Variants in ZNF536 observed in about 807,000 individuals in gnomAD.
ZNF536 encodes the protein zinc finger protein 536.
ZNF536 carries 13 observed loss-of-function variants against 84.5 expected under a neutral mutation model. That is an observed-to-expected ratio of 0.15 (90% CI 0.10 to 0.24). The LOEUF (loss-of-function observed/expected upper bound fraction) is 0.24, where lower values mean the gene tolerates loss of function less well. Ranked by LOEUF, ZNF536 falls within the 10% of genes least tolerant of loss-of-function variation. The probability of loss-of-function intolerance (pLI) is 1.00; values close to 1 mark genes in which losing one functional copy is unlikely to be tolerated. For synonymous variants in ZNF536, 811 were observed against 742.5 expected, an observed-to-expected ratio of 1.09 and a Z score of -1.50; for missense variants, 1,536 against 1,747.5, an observed-to-expected ratio of 0.88 and a Z score of 2.16.
intron 3 of ZNF536, among the ~76,000 whole-genome samples, chr19:30,537,002 A>G (rs2045110100): frequency 6.6e-6 from 1 of 151,626 alleles, no homozygotes; most frequent in African/African-American, 2.4e-5. Flanking sequence ...TCCCTGTGTC[A>G]CTTCTCTCCA....
chr19:30,658,027 C>T (rs914828828), intron 1 of ZNF536, among the ~76,000 whole-genome samples: 2 of 151,118 alleles, frequency 1.3e-5, no homozygotes, highest in African/African-American at 4.9e-5. Flanking sequence ...TTCCCCCCCC[C>T]CTTTTTTTTC....
At chr19:30,449,114 A>G (rs1014509290) in intron 2 of ZNF536, among the ~76,000 whole-genome samples, 2 of 152,222 alleles carry the variant, frequency 1.3e-5, no homozygotes, top group Admixed American at 6.5e-5. Flanking sequence ...TTTCTAACAG[A>G]AAATGGACAA....
At chr19:30,509,907 A>G (rs1326797707) in intron 2 of ZNF536, among the ~76,000 whole-genome samples, 1 of 152,246 alleles carries the variant, frequency 6.6e-6, no homozygotes, top group Non-Finnish European at 1.5e-5. Context: ...GTGAAATTCC[A>G]TGTTCCTGTG....
intron 3 of ZNF536, 59 bp from the exon 4 acceptor site, chr19:30,547,884 G>A (rs780598052): frequency 3.0e-5 from 45 of 1,505,022 alleles, no homozygotes; most frequent in South Asian, 2.4e-4. Context: ...TTCCAGCCTC[G>A]TTCAGCACAC....
chr19:30,278,167 G>A (rs917140894), intron 1 of ZNF536, among the ~76,000 whole-genome samples: 4 of 152,218 alleles, frequency 2.6e-5, no homozygotes, highest in African/African-American at 9.6e-5. Flanking sequence ...GCCATGCCAC[G>A]TGGGGATCAC....
At chr19:30,603,708 T>C (rs1004298568) in intron 1 of ZNF536, among the ~76,000 whole-genome samples, 2 of 152,182 alleles carry the variant, frequency 1.3e-5, no homozygotes, top group African/African-American at 4.8e-5. Flanking sequence ...TAAAACAATG[T>C]GGTACACAGT....
intron 1 of ZNF536, among the ~76,000 whole-genome samples, chr19:30,379,497 C>T (rs1050786105): frequency 1.3e-5 from 2 of 151,686 alleles, no homozygotes; most frequent in Non-Finnish European, 2.9e-5. Context: ...ATTCCTGTCG[C>T]CATAAGGAGG....
At chr19:30,450,949 A>G (rs1302683730) in intron 2 of ZNF536, among the ~76,000 whole-genome samples, 2 of 152,220 alleles carry the variant, frequency 1.3e-5, no homozygotes, top group African/African-American at 4.8e-5. Context: ...GTGAAAGCCG[A>G]GCGCCATATG....
At chr19:30,280,199 C>G (rs1399095896) in intron 1 of ZNF536, among the ~76,000 whole-genome samples, 1 of 152,122 alleles carries the variant, frequency 6.6e-6, no homozygotes, top group African/African-American at 2.4e-5. Flanking sequence ...TCCATCTGCC[C>G]CTTTTCTTTC....
chr19:30,436,196 A>G lies in ZNF536; in HGVS notation c.-2-7365A>G, dbSNP rs553345272. 9.5e-4 allele frequency among the ~76,000 whole-genome samples: 144 copies of G among 152,296 alleles called. 1 individual carries two copies. Among genetic ancestry groups the G allele is most frequent in the Non-Finnish European group, 1.4e-3 (95 of 68,018 alleles). The stretch of plus-strand genomic sequence containing the variant: ...CTTGGGAATTTGACTACAGTCTGCA[A>G]CTTGACTCTGTTGGTTACACAGTTG... On this transcript the variant is annotated intron_variant, in intron 1 of 4. Transcript: ENST00000355537.
In ZNF536 at chr19:30,402,796, A is replaced by AATATAT. The variant is rs869301101; in HGVS notation, c.-3+30262_-3+30267dup. ...TTTTAAACATTTTTTAAAATTAAAA[A>AATATAT]ATATATATATATATATATATATATA... On this transcript the variant is annotated intron_variant, in intron 1 of 4. Transcript: ENST00000355537. 8.2e-4 allele frequency among the ~76,000 whole-genome samples: 70 copies of AATATAT among 85,594 alleles called. 1 individual carries two copies. The highest frequency in any genetic ancestry group is 4.9e-3 in the South Asian group (11 of 2,234). The allele number at this position is 85,594 out of a possible 152,430, so 56.2% of individuals were successfully genotyped here.
At chr19:30,421,609 C>T (rs2050960973) in intron 1 of ZNF536, among the ~76,000 whole-genome samples, 1 of 152,198 alleles carries the variant, frequency 6.6e-6, no homozygotes, top group Admixed American at 6.5e-5. Flanking sequence ...GTGATCCTCC[C>T]ACCTCAGCCT....
chr19:30,400,625 T>C (rs1218469037), intron 1 of ZNF536, among the ~76,000 whole-genome samples: 10 of 152,150 alleles, frequency 6.6e-5, no homozygotes, highest in Admixed American at 3.9e-4. Flanking sequence ...GCAGTGGTGC[T>C]GTCATAGCTC....
At chr19:30,591,614 G>A (rs777994685) in intron 1 of ZNF536, among the ~76,000 whole-genome samples, 1 of 152,168 alleles carries the variant, frequency 6.6e-6, no homozygotes, top group Non-Finnish European at 1.5e-5. Flanking sequence ...AGATTTGGGT[G>A]GGGACACAGC....
chr19:30,555,066 A>G (rs1351113995), intron 4 of ZNF536: 1 of 152,288 alleles, frequency 6.6e-6, no homozygotes, highest in Admixed American at 6.5e-5. Flanking sequence ...TATGCATTAA[A>G]GACTTCCAGG....
intron 1 of ZNF536, among the ~76,000 whole-genome samples, chr19:30,397,484 T>C (rs2049870613): frequency 6.6e-6 from 1 of 152,196 alleles, no homozygotes; most frequent in African/African-American, 2.4e-5. Flanking sequence ...ATATTACTAT[T>C]GGGAGAAACT....
At chr19:30,584,683 C>T (rs2047037055) in intron 1 of ZNF536, among the ~76,000 whole-genome samples, 1 of 152,194 alleles carries the variant, frequency 6.6e-6, no homozygotes, top group South Asian at 2.1e-4. Context: ...TCCCTCCTCC[C>T]TGATTCATCA....
chr19:30,537,286 T>C (rs542442844), intron 3 of ZNF536, among the ~76,000 whole-genome samples: 3 of 152,256 alleles, frequency 2.0e-5, no homozygotes, highest in East Asian at 3.9e-4. Flanking sequence ...CCTCCCCAGA[T>C]TGGAGCCAGG....
chr19:30,458,447 G>GTTTTTTTTTTTTTTTT lies in ZNF536; in HGVS notation c.2170+12723_2170+12738dup, dbSNP rs3084731. ...CCAAGTATTTCCTCAATTTCCTGCTGTTTTTTTTTTTTTTTTTTTTTTTGA... is the reference window on the plus strand; with the variant it reads ...CCAAGTATTTCCTCAATTTCCTGCTGTTTTTTTTTTTTTTTTTTTTTTTTTTTTTTTTTTTTTTTGA... On this transcript the variant is annotated intron_variant, in intron 2 of 4. Transcript: ENST00000355537. Among the ~76,000 whole-genome samples the GTTTTTTTTTTTTTTTT allele has an allele frequency of 3.0e-4, 25 of 83,492 alleles. 4 individuals are homozygous for GTTTTTTTTTTTTTTTT. Among genetic ancestry groups the GTTTTTTTTTTTTTTTT allele is most frequent in the African/African-American group, 1.3e-3 (23 of 17,926 alleles). 54.8% of individuals were successfully genotyped at this position (83,492 alleles called of 152,430 possible).
Sources: gnomAD v4.1 joint callset for allele counts (sites outside exome capture counted in the v4.1 genomes callset) on GRCh38, gnomAD v4.1.1 for gene constraint, MANE v1.5 for transcripts, NCBI Gene and HGNC (gene_info 2026-07-23, HGNC 2026-07-21) for gene names.